ERCC6L2: variants seen among roughly 807,000 people sequenced by gnomAD.
ERCC6L2 encodes DNA excision repair protein ERCC-6-like 2.
ERCC6L2 carries 77 observed loss-of-function variants against 132.0 expected under a neutral mutation model. That is an observed-to-expected ratio of 0.58 (90% confidence interval 0.49 to 0.71). The LOEUF is 0.71. ERCC6L2 is among the 30% of genes least tolerant of loss of function. ERCC6L2 has a pLI of 0.00. For synonymous variants in ERCC6L2, 583 were observed against 632.4 expected (o/e 0.92, Z 1.17); for missense variants, 1,542 against 1,837.6 (o/e 0.84, Z 2.94).
At chr9:96,021,688 C>G (rs973407780), downstream of ERCC6L2, 1 of 152,730 alleles carries the variant, frequency 6.5e-6, no homozygotes, top group African/African-American at 2.4e-5. This position sits in a 1 kb window ranked among gnomAD's most constrained non-coding sequence, Gnocchi z 4.7. Flanking sequence ...CTCCCTTCCC[C>G]GCCCTGGATG....
chr9:95,878,936 G>A (rs1827441822), intron 1 of ERCC6L2, among the ~76,000 whole-genome samples: 1 of 152,186 alleles, frequency 6.6e-6, no homozygotes, highest in Non-Finnish European at 1.5e-5. Flanking sequence ...TTCCAAGTCT[G>A]CTATTGTGAA....
intron 9 of ERCC6L2, among the ~76,000 whole-genome samples, chr9:95,927,210 G>A (rs1830137608): frequency 6.6e-6 from 1 of 152,004 alleles, no homozygotes; most frequent in Admixed American, 6.6e-5. Context: ...ACTAGGGGGA[G>A]GTAGAGGTCA....
At chr9:95,971,386 A>G (rs986698592) in intron 15 of ERCC6L2, among the ~76,000 whole-genome samples, 2 of 152,192 alleles carry the variant, frequency 1.3e-5, no homozygotes, top group African/African-American at 4.8e-5. Flanking sequence ...TTAATGTGCA[A>G]AGGTTACATA....
rs1184232679 is a variant in ERCC6L2 at position 95,972,703 on chromosome 9, T to A, written c.2952T>A (p.Asp984Glu). Residue 984 changes from aspartate to glutamate, a missense_variant, in exon 16 of 19, where the codon GAT becomes GAA. Asp to Glu is a conservative substitution (Grantham distance 45). Coordinates refer to ENST00000653738, the MANE Select transcript of ERCC6L2 (RefSeq NM_020207.7). Reference sequence around the variant, plus strand: ...CCAGTGATATCAGTGATGAATCTGATGACATTGAAATTTCTTCCAAGTCAA... The same window carrying A: ...CCAGTGATATCAGTGATGAATCTGAAGACATTGAAATTTCTTCCAAGTCAA... ...KGTSDISDES[D>E]DIEISSKSRV... 4 of 1,301,806 alleles carry A rather than the reference T, an allele frequency of 3.1e-6. No individual in the cohort carries two copies. The highest frequency in any genetic ancestry group is 3.0e-5 in the African/African-American group (2 of 65,970). The allele number at this position is 1,301,806 out of a possible 1,614,324, so 80.6% of individuals were successfully genotyped here.
At chr9:96,027,265 TG>T (rs1179464641) in intron 19 of ERCC6L2, among the ~76,000 whole-genome samples, 13 of 152,006 alleles carry the variant, frequency 8.6e-5, no homozygotes, top group African/African-American at 3.1e-4. Flanking sequence ...TCCTGTGTGG[TG>T]TGTGCTCTAG....
chr9:95,934,221 C>T (rs1253574413), intron 11 of ERCC6L2, among the ~76,000 whole-genome samples: 5 of 152,038 alleles, frequency 3.3e-5, no homozygotes, highest in Admixed American at 6.6e-5. Flanking sequence ...AATTTATCAT[C>T]GTTGTCTTAC....
intron 13 of ERCC6L2, among the ~76,000 whole-genome samples, chr9:95,960,392 T>C (rs1428762139): frequency 1.3e-5 from 2 of 152,272 alleles, no homozygotes; most frequent in East Asian, 3.9e-4. Flanking sequence ...TTGTAAATGG[T>C]ACTTTATATG....
At chr9:95,969,179 G>A (rs560000908) in intron 14 of ERCC6L2, among the ~76,000 whole-genome samples, 23 of 152,218 alleles carry the variant, frequency 1.5e-4, no homozygotes, top group Admixed American at 6.5e-4. Context: ...AGATGGAGCC[G>A]GAGAGATGAC....
chr9:95,943,286 C>G (rs1312046462), intron 12 of ERCC6L2, among the ~76,000 whole-genome samples: 1 of 151,990 alleles, frequency 6.6e-6, no homozygotes. Context: ...GTAAAGTTGT[C>G]TTAGAATTGT....
At chr9:95,959,575 C>G (rs1831801166) in intron 13 of ERCC6L2, among the ~76,000 whole-genome samples, 1 of 151,910 alleles carries the variant, frequency 6.6e-6, no homozygotes, top group South Asian at 2.1e-4. Context: ...AAAGAAACTA[C>G]CATCAGAGTG....
intron 18 of ERCC6L2, among the ~76,000 whole-genome samples, chr9:96,006,055 G>C (rs1378534204): frequency 2.6e-5 from 4 of 152,326 alleles, no homozygotes; most frequent in African/African-American, 9.6e-5. Context: ...CGTATTAAAT[G>C]TGACATTCTG....
chr9:95,995,921 AAC>A (rs1474323601), intron 17 of ERCC6L2, among the ~76,000 whole-genome samples: 11 of 152,166 alleles, frequency 7.2e-5, no homozygotes, highest in African/African-American at 2.2e-4. Flanking sequence ...CCTGAAATGC[AAC>A]AGTATTGAAG....
chr9:96,000,685 A>G (rs1320795116), intron 17 of ERCC6L2, among the ~76,000 whole-genome samples: 5 of 152,062 alleles, frequency 3.3e-5, no homozygotes, highest in African/African-American at 9.7e-5. Context: ...CATAATCCCA[A>G]CACTTTGGGA....
rs141684060 is a variant in ERCC6L2, at chr9:95,953,843, C to A, written c.1848-2071C>A. 2.8e-3 allele frequency among the ~76,000 whole-genome samples: 433 copies of A among 151,988 alleles called. 1 individual carries two copies. The highest frequency in any genetic ancestry group is 4.7e-3 in the Non-Finnish European group (319 of 67,954). ...AAAAGTCTAATCTGAGGGAAAAAGTCAAATACATAGAAACACTTAAGCAGA... is the reference window on the plus strand; with the variant it reads ...AAAAGTCTAATCTGAGGGAAAAAGTAAAATACATAGAAACACTTAAGCAGA... On this transcript the variant is annotated intron_variant, in intron 12 of 18. Transcript: ENST00000653738.
chr9:95,941,097 T>C (rs1830776773), intron 11 of ERCC6L2, among the ~76,000 whole-genome samples: 1 of 152,008 alleles, frequency 6.6e-6, no homozygotes, highest in South Asian at 2.1e-4. Context: ...CTGAATTGAG[T>C]TTTTTAATGT....
intron 19 of ERCC6L2, among the ~76,000 whole-genome samples, chr9:96,034,526 A>C (rs1307802013): frequency 6.6e-6 from 1 of 152,192 alleles, no homozygotes; most frequent in Non-Finnish European, 1.5e-5. Context: ...CATTCAGGGA[A>C]AGCTTCCTGG....
intron 11 of ERCC6L2, among the ~76,000 whole-genome samples, chr9:95,938,047 C>T (rs1830634664): frequency 6.6e-6 from 1 of 150,618 alleles, no homozygotes; most frequent in South Asian, 2.1e-4. Flanking sequence ...TATTTTTTTT[C>T]ACAGTTTTTT....
chr9:95,978,350 C>T (rs1832759376), intron 17 of ERCC6L2, 135 bp downstream of exon 17: 1 of 446,084 alleles, frequency 2.2e-6, no homozygotes, highest in Non-Finnish European at 3.4e-6. Flanking sequence ...GTGTAAAAAT[C>T]AAAACACCAT....
intron 11 of ERCC6L2, among the ~76,000 whole-genome samples, chr9:95,938,573 G>T (rs1288204150): frequency 6.6e-6 from 1 of 152,036 alleles, no homozygotes; most frequent in Non-Finnish European, 1.5e-5. Flanking sequence ...ATTGTGCATT[G>T]TCCCTCTTTT....
Sources: allele counts gnomAD v4.1 joint callset (sites outside exome capture counted in the v4.1 genomes callset), GRCh38; gene constraint gnomAD v4.1.1; non-coding constraint Gnocchi (gnomAD v3.1); transcripts MANE v1.5; gene names NCBI Gene and HGNC (gene_info 2026-07-23, HGNC 2026-07-21).